Variants in EP300 observed in about 807,000 individuals in gnomAD.
EP300 encodes EP300 lysine acetyltransferase, also known as histone acetyltransferase p300.
EP300 carries 31 observed loss-of-function variants against 264.0 expected under a neutral mutation model. The observed-to-expected ratio is 0.12, with a 90% confidence interval of 0.09 to 0.16. The LOEUF is 0.16. Ranked by LOEUF, EP300 falls within the 10% of genes least tolerant of loss-of-function variation. The pLI, the probability that EP300 is intolerant of heterozygous loss-of-function variation, is 1.00. For synonymous variants in EP300, 1,340 were observed against 1,045.4 expected, an observed-to-expected ratio of 1.28 and a Z score of -5.44; for missense variants, 2,766 against 3,052.9, an observed-to-expected ratio of 0.91 and a Z score of 2.21.
intron 12 of EP300, among the ~76,000 whole-genome samples, chr22:41,148,436 A>T (rs1569106639): frequency 6.6e-6 from 1 of 152,240 alleles, no homozygotes; most frequent in East Asian, 1.9e-4. Context: ...TGCCATTTTC[A>T]ACAGGGAGTT....
At chr22:41,114,461 A>G (rs1443961038) in intron 1 of EP300, among the ~76,000 whole-genome samples, 2 of 152,156 alleles carry the variant, frequency 1.3e-5, no homozygotes, top group Non-Finnish European at 2.9e-5. Flanking sequence ...ACAGGTTGTG[A>G]GCCAAAGTGC....
intron 15 of EP300, 81 bp downstream of exon 15, chr22:41,152,093 T>C (rs2059049464): frequency 6.3e-7 from 1 of 1,594,172 alleles, no homozygotes; most frequent in Admixed American, 1.7e-5. Context: ...TGCAGAAAAA[T>C]ATTTTGATAA....
intron 2 of EP300, among the ~76,000 whole-genome samples, chr22:41,125,243 C>T (rs1006372973): frequency 6.6e-6 from 1 of 151,346 alleles, no homozygotes; most frequent in African/African-American, 2.4e-5. Flanking sequence ...CTCAGCCTCC[C>T]GACTAGCTGG....
intron 10 of EP300, among the ~76,000 whole-genome samples, chr22:41,143,255 C>G (rs979272784): frequency 1.3e-5 from 2 of 152,138 alleles, no homozygotes; most frequent in Admixed American, 6.5e-5. Flanking sequence ...AGTTCAGAAC[C>G]AGCCTGGGCA....
chr22:41,117,238 A>G lies in EP300; in HGVS notation c.146A>G (p.Asn49Ser), dbSNP rs370385350. The G allele has an allele frequency of 1.9e-5, 30 of 1,614,046 alleles. No homozygotes were observed. The highest frequency in any genetic ancestry group is 6.7e-5 in the African/African-American group (5 of 74,910). ...CACGACTTACCAGATGAATTAATCA[A>G]CTCTACAGAATTGGGACTAACCAAT... ...LEHDLPDELI[N>S]STELGLTNGG... The change falls in exon 2 of 31, where the codon AAC becomes AGC. Residue 49 changes from asparagine (N) to serine (S), a missense_variant. Physicochemically the swap from Asn to Ser is conservative, Grantham distance 46 (BLOSUM62 1). Transcript: ENST00000263253.
At chr22:41,141,665 CTT>C (rs77123676) in intron 10 of EP300, among the ~76,000 whole-genome samples, 7 of 146,166 alleles carry the variant, frequency 4.8e-5, no homozygotes, top group African/African-American at 1.0e-4. Context: ...TCTAGGAACT[CTT>C]TTTTTTTTTT....
intron 25 of EP300, 55 bp downstream of exon 25, chr22:41,168,922 A>C: frequency 4.3e-6 from 7 of 1,610,588 alleles, no homozygotes; most frequent in Non-Finnish European, 5.9e-6. Flanking sequence ...TCCAACTTAT[A>C]ATAGGTGGAA....
At chr22:41,126,260 A>G (rs899830474) in intron 3 of EP300, 4 of 546,498 alleles carry the variant, frequency 7.3e-6, no homozygotes, top group Non-Finnish European at 1.3e-5. Context: ...TGTTGATCCA[A>G]ACAGGAGTAA....
At chr22:41,100,917 C>G (rs945684765) in intron 1 of EP300, among the ~76,000 whole-genome samples, 2 of 151,934 alleles carry the variant, frequency 1.3e-5, no homozygotes, top group Non-Finnish European at 2.9e-5. Context: ...GTCACGTATA[C>G]AAGACATCTT....
chr22:41,105,221 A>AG (rs1317108583), intron 1 of EP300, among the ~76,000 whole-genome samples: 2 of 104,088 alleles, frequency 1.9e-5, no homozygotes, highest in African/African-American at 6.6e-5. Flanking sequence ...AAAAAAAAAA[A>AG]GCCGGGCGTG....
chr22:41,118,518 G>A (rs1439889792), intron 2 of EP300, among the ~76,000 whole-genome samples: 2 of 152,252 alleles, frequency 1.3e-5, no homozygotes, highest in Non-Finnish European at 2.9e-5. Flanking sequence ...ATGGTTGCCA[G>A]TGCCTGGCAT....
intron 26 of EP300, 105 bp from the exon 27 acceptor site, chr22:41,170,301 G>A: frequency 8.9e-7 from 1 of 1,123,440 alleles, no homozygotes; most frequent in Non-Finnish European, 1.3e-6. Flanking sequence ...GTTATCTTGG[G>A]AAAAATTATT....
chr22:41,103,510 C>T (rs1569083223), intron 1 of EP300, among the ~76,000 whole-genome samples: 2 of 152,068 alleles, frequency 1.3e-5, no homozygotes, highest in African/African-American at 4.8e-5. Flanking sequence ...TTGCTTTTGA[C>T]AGAGTAGGTT....
At chr22:41,166,697 C>T in intron 23 of EP300, 31 bp downstream of exon 23, 1 of 1,494,120 alleles carries the variant, frequency 6.7e-7, no homozygotes, top group Non-Finnish European at 9.3e-7. Context: ...TAAATTTTGG[C>T]AAAACTTATC....
chr22:41,119,958 C>T (rs1454911960), intron 2 of EP300, among the ~76,000 whole-genome samples: 1 of 152,098 alleles, frequency 6.6e-6, no homozygotes, highest in Non-Finnish European at 1.5e-5. Flanking sequence ...GGACCACAGG[C>T]ATGCGCCACC....
In EP300 at chr22:41,165,060, T is replaced by G. The variant is rs543636931; in HGVS notation, c.3806+930T>G. Among the ~76,000 whole-genome samples the G allele has an allele frequency of 7.2e-5, 11 of 152,330 alleles. No homozygotes were observed. In the East Asian group the frequency reaches 2.1e-3, roughly 29 times the overall value. The stretch of plus-strand genomic sequence containing the variant: ...TAATTGACAGATTTCACTTTTCTTT[T>G]TTTCACCGTTATTTTCACATAGAAA... On this transcript the variant is annotated intron_variant, in intron 22 of 30. Coordinates refer to ENST00000263253, the MANE Select transcript of EP300 (RefSeq NM_001429.4).
At position 41,178,888 on chromosome 22, in the gene EP300, C is replaced by T. The variant is rs377508897; in HGVS notation, c.7177C>T (p.Leu2393=). The T allele has an allele frequency of 2.5e-6, 4 of 1,614,198 alleles. No individual in the cohort carries two copies. The highest frequency in any genetic ancestry group is 1.3e-5 in the African/African-American group (1 of 75,036). ...ANLHGASATD[L]GLSTDNSDLN... is the part of the protein sequence containing the mutation. ...CCTCCATGGTGCAAGCGCCACGGAC[C>T]TGGGACTCAGCACCGATAACTCAGA... is the stretch of plus-strand genomic sequence containing the variant. The change falls in exon 31 of 31, where the codon CTG becomes TTG. Residue 2393 remains leucine (L), a synonymous_variant. Coordinates refer to ENST00000263253, the MANE Select transcript of EP300 (RefSeq NM_001429.4).
In EP300 at chr22:41,129,523, C is replaced by G. The variant is rs139284243; in HGVS notation, c.1169-367C>G. 7.9e-3 allele frequency among the ~76,000 whole-genome samples: 1,200 copies of G among 152,332 alleles called. 8 individuals are homozygous for G. The highest frequency in any genetic ancestry group is 0.024 in the Middle Eastern group (7 of 294). ...GCAGTCATTTTTACCCGATCTAATA[C>G]AATTTGTATGAAGTCATTAAAAAGT... On this transcript the variant is annotated intron_variant, in intron 4 of 30. Coordinates refer to ENST00000263253, the MANE Select transcript of EP300 (RefSeq NM_001429.4).
intron 18 of EP300, 126 bp downstream of exon 18, chr22:41,157,534 T>TC (rs1555910141): frequency 8.2e-6 from 9 of 1,092,880 alleles, no homozygotes; most frequent in African/African-American, 6.6e-5. Flanking sequence ...TTTTTTTTTT[T>TC]CCTTTTTGAC....
Sources: gnomAD v4.1 joint callset for allele counts (sites outside exome capture counted in the v4.1 genomes callset) on GRCh38, gnomAD v4.1.1 for gene constraint, MANE v1.5 for transcripts, NCBI Gene and HGNC (gene_info 2026-07-23, HGNC 2026-07-21) for gene names.